The following SEMA3D variants were observed in gnomAD, a reference collection of about 807,000 sequenced individuals.
SEMA3D encodes semaphorin-3D.
A neutral mutation model predicts 100.1 loss-of-function variants in SEMA3D; 84 were observed. That is an observed-to-expected ratio of 0.84 (90% CI 0.70 to 1.01). The LOEUF (loss-of-function observed/expected upper bound fraction) is 1.01. Among genes scored for constraint, SEMA3D ranks in the 50% least tolerant of loss-of-function variants. The pLI is 0.00. For synonymous variants in SEMA3D, 312 were observed against 320.7 expected (o/e 0.97, Z 0.29); for missense variants, 875 against 934.1 (o/e 0.94, Z 0.82).
At chr7:85,030,403 G>A (rs75992066) in intron 12 of SEMA3D, among the ~76,000 whole-genome samples, 3 of 151,924 alleles carry the variant, frequency 2.0e-5, no homozygotes, top group Non-Finnish European at 2.9e-5. Flanking sequence ...GGAAATCCAC[G>A]TGTAAGCTTT....
rs111247398 is a variant in SEMA3D at position 85,177,103 on chromosome 7, T to C, written c.-173+9575A>G. On this transcript the variant is annotated intron_variant, in intron 1 of 18. Coordinates refer to ENST00000284136, the MANE Select transcript of SEMA3D (RefSeq NM_001384900.1). ...ATGTTTGCACAATGACAAAATTGCC[T>C]AACAACATATTCCTCAGAACATATC... Among the ~76,000 whole-genome samples, 1,154 of 152,248 alleles carry C rather than the reference T, an allele frequency of 7.6e-3. 13 individuals carry two copies. Among genetic ancestry groups the C allele is most frequent in the African/African-American group, 0.027 (1,104 of 41,548 alleles).
At chr7:85,091,970 C>T (rs1010619618) in intron 4 of SEMA3D, among the ~76,000 whole-genome samples, 1 of 151,984 alleles carries the variant, frequency 6.6e-6, no homozygotes, top group Admixed American at 6.6e-5. Flanking sequence ...TCACTTCTGG[C>T]CTTTTGGCTA....
chr7:85,158,219 C>CAGT, intron 1 of SEMA3D, among the ~76,000 whole-genome samples: 1 of 152,264 alleles, frequency 6.6e-6, no homozygotes, highest in Non-Finnish European at 1.5e-5. Context: ...CTCTGACTGC[C>CAGT]AGTGATCTGG....
intron 2 of SEMA3D, among the ~76,000 whole-genome samples, chr7:85,149,965 T>C (rs1025596218): frequency 3.3e-5 from 5 of 152,068 alleles, no homozygotes; most frequent in African/African-American, 9.7e-5. Context: ...CAAGGGGTCA[T>C]AGCCATGTGA....
chr7:85,019,531 C>A (rs1347660228), intron 14 of SEMA3D, among the ~76,000 whole-genome samples: 1 of 151,542 alleles, frequency 6.6e-6, no homozygotes, highest in Non-Finnish European at 1.5e-5. Flanking sequence ...TGGAAACAAT[C>A]CATTTTAATA....
In SEMA3D at chr7:85,018,312, T is replaced by G; in HGVS notation, c.1504-19A>C. On this transcript the variant is annotated intron_variant, in intron 14 of 18. Coordinates refer to ENST00000284136, the MANE Select transcript of SEMA3D (RefSeq NM_001384900.1). ...ATGAGTGCTGAAAATAGAAGTTAAA[T>G]GTCAATAAAGATAATCATTAACAGG... The G allele has an allele frequency of 6.6e-7, 1 of 1,523,654 alleles. No individual in the cohort carries two copies. The highest frequency in any genetic ancestry group is 9.1e-7 in the Non-Finnish European group (1 of 1,099,782). The allele number at this position is 1,523,654 out of a possible 1,614,324, so 94.4% of individuals were successfully genotyped here. A position where few individuals can be genotyped will look rare whatever the true frequency, so the allele number is the denominator to read the frequency against.
chr7:85,125,903 G>A, intron 2 of SEMA3D, among the ~76,000 whole-genome samples: 1 of 151,904 alleles, frequency 6.6e-6, no homozygotes, highest in East Asian at 1.9e-4. Context: ...AAATGCATAG[G>A]TTATACTGCA....
the SEMA3D span, among the ~76,000 whole-genome samples, chr7:85,205,207 A>C: frequency 6.6e-6 from 1 of 152,088 alleles, no homozygotes; most frequent in East Asian, 1.9e-4. Flanking sequence ...TATGGTTTAC[A>C]GATATTACCT....
Position 85,081,523 on chromosome 7 carries a change from A to T in SEMA3D, c.369T>A (p.Asp123Glu). The change falls in exon 5 of 19, where the codon GAT becomes GAA. Residue 123 changes from aspartate to glutamate, a missense_variant. Transcript: ENST00000284136. ...GTTACAGTTTCATACTTACATTGGC[A>T]TCTTTCCCAGCTAATTTACATAATT... ...RVELCKLAGK[D>E]ANTECANFIR... 1 of 1,606,344 alleles carries T rather than the reference A, an allele frequency of 6.2e-7. No homozygotes were observed. The highest frequency in any genetic ancestry group is 8.5e-7 in the Non-Finnish European group (1 of 1,173,112).
At chr7:85,044,688 C>G (rs558858568) in intron 9 of SEMA3D, among the ~76,000 whole-genome samples, 79 of 152,114 alleles carry the variant, frequency 5.2e-4, no homozygotes, top group African/African-American at 9.2e-4. Context: ...TGGAGGCTTA[C>G]TATCCACACA....
chr7:85,211,020 T>G, the SEMA3D span, among the ~76,000 whole-genome samples: 411 of 152,098 alleles, frequency 2.7e-3, 1 homozygote, highest in Non-Finnish European at 4.1e-3. Flanking sequence ...TATGATTAAG[T>G]TGGGGAGACA....
Position 85,071,089 on chromosome 7 carries a change from A to G in SEMA3D, c.495+1873T>C, listed in dbSNP as rs115315984. On this transcript the variant is annotated intron_variant, in intron 6 of 18. Coordinates refer to ENST00000284136, the MANE Select transcript of SEMA3D (RefSeq NM_001384900.1). ...CAGCACTTGTGACTTTTAAGGAGCT[A>G]TAAAACACTATTTGCCCCCCTCAGC... Among the ~76,000 whole-genome samples, 408 of 152,300 alleles carry G rather than the reference A, an allele frequency of 2.7e-3. 1 individual carries two copies. The highest frequency in any genetic ancestry group is 9.4e-3 in the African/African-American group (391 of 41,570).
At chr7:85,086,669 T>C (rs541814138) in intron 4 of SEMA3D, among the ~76,000 whole-genome samples, 16 of 151,228 alleles carry the variant, frequency 1.1e-4, no homozygotes, top group Non-Finnish European at 2.2e-4. Flanking sequence ...TGTGTATAGA[T>C]GCATGTGGAG....
intron 1 of SEMA3D, among the ~76,000 whole-genome samples, chr7:85,165,961 T>C (rs756707343): frequency 4.6e-5 from 7 of 152,072 alleles, no homozygotes; most frequent in Admixed American, 2.0e-4. Context: ...AAAGGACATA[T>C]ATTATTCCTA....
chr7:85,238,966 A>AT, the SEMA3D span, among the ~76,000 whole-genome samples: 1 of 152,162 alleles, frequency 6.6e-6, no homozygotes, highest in East Asian at 1.9e-4. Context: ...ATAGTACTGC[A>AT]TTTTAAAAAA....
At chr7:85,207,680 T>C in the SEMA3D span, among the ~76,000 whole-genome samples, 1 of 152,048 alleles carries the variant, frequency 6.6e-6, no homozygotes, top group East Asian at 1.9e-4. Flanking sequence ...TCCATCGTGA[T>C]TTTGTGAAGC....
chr7:85,082,140 G>A (rs927822112), intron 4 of SEMA3D, among the ~76,000 whole-genome samples: 1 of 152,184 alleles, frequency 6.6e-6, no homozygotes, highest in Non-Finnish European at 1.5e-5. Flanking sequence ...TGAGATGGCT[G>A]TACTTATTCT....
intron 6 of SEMA3D, among the ~76,000 whole-genome samples, chr7:85,069,164 A>C (rs1351687221): frequency 6.6e-6 from 1 of 152,156 alleles, no homozygotes; most frequent in East Asian, 1.9e-4. Flanking sequence ...GTATCTATGA[A>C]GTTATATCAG....
intron 2 of SEMA3D, among the ~76,000 whole-genome samples, chr7:85,125,514 TA>T (rs1361233263): frequency 6.6e-6 from 1 of 152,064 alleles, no homozygotes; most frequent in Non-Finnish European, 1.5e-5. Context: ...TCCTTACTAC[TA>T]AGACATTCTG....
Sources: gnomAD v4.1 joint callset for allele counts (sites outside exome capture counted in the v4.1 genomes callset) on GRCh38, gnomAD v4.1.1 for gene constraint, MANE v1.5 for transcripts, NCBI Gene and HGNC (gene_info 2026-07-23, HGNC 2026-07-21) for gene names.